AKAIN1: variants seen among roughly 807,000 people sequenced by gnomAD.
AKAIN1 encodes the protein A-kinase anchor inhibitor 1.
In AKAIN1, 3 loss-of-function variants were observed where a neutral mutation model predicts 3.7. The observed-to-expected ratio is 0.82, with a 90% CI of 0.37 to 2.12. The LOEUF (loss-of-function observed/expected upper bound fraction) is 2.12. Among genes scored for constraint, AKAIN1 ranks in the 30% most tolerant of loss-of-function variants. The pLI is 0.06. For synonymous variants in AKAIN1, 31 were observed against 30.8 expected (o/e 1.01, Z -0.02); for missense variants, 82 against 82.7 (o/e 0.99, Z 0.03).
chr18:5,161,531 T>C (rs959376705), intron 1 of AKAIN1, among the ~76,000 whole-genome samples: 1 of 152,090 alleles, frequency 6.6e-6, no homozygotes, highest in Non-Finnish European at 1.5e-5. Flanking sequence ...ATTTACTTAC[T>C]TATTCACCTT....
At chr18:5,155,254 G>C (rs1413857344) in intron 1 of AKAIN1, among the ~76,000 whole-genome samples, 1 of 152,150 alleles carries the variant, frequency 6.6e-6, no homozygotes, top group Non-Finnish European at 1.5e-5. Flanking sequence ...GCTGTGCAGT[G>C]AGGGTTTTGC....
chr18:5,195,577 A>G (rs1567881864), intron 1 of AKAIN1, among the ~76,000 whole-genome samples: 1 of 152,186 alleles, frequency 6.6e-6, no homozygotes, highest in Non-Finnish European at 1.5e-5. Context: ...ACAGAATTCG[A>G]GGTCAGAAAA....
chr18:5,183,113 G>C (rs1217591022), intron 1 of AKAIN1, among the ~76,000 whole-genome samples: 2 of 152,004 alleles, frequency 1.3e-5, no homozygotes, highest in Non-Finnish European at 2.9e-5. Flanking sequence ...CAGGCATTTA[G>C]AGCCTCACTT....
At chr18:5,169,608 G>A (rs1251071495) in intron 1 of AKAIN1, among the ~76,000 whole-genome samples, 11 of 152,042 alleles carry the variant, frequency 7.2e-5, no homozygotes, top group South Asian at 4.2e-4. Flanking sequence ...TACCATTACC[G>A]CGGATAATGT....
intron 1 of AKAIN1, among the ~76,000 whole-genome samples, chr18:5,180,001 T>G (rs1049896064): frequency 6.6e-6 from 1 of 152,068 alleles, no homozygotes; most frequent in African/African-American, 2.4e-5. Flanking sequence ...GGATTATCAG[T>G]TGAAAAGGGT....
At chr18:5,180,274 A>G (rs575354974) in intron 1 of AKAIN1, among the ~76,000 whole-genome samples, 2 of 152,180 alleles carry the variant, frequency 1.3e-5, no homozygotes, top group Non-Finnish European at 2.9e-5. Flanking sequence ...CAAATTATAT[A>G]AAGTGTTTAT....
At chr18:5,146,835 C>CA (rs1317221900) in intron 1 of AKAIN1, among the ~76,000 whole-genome samples, 3 of 152,062 alleles carry the variant, frequency 2.0e-5, no homozygotes, top group Non-Finnish European at 2.9e-5. Flanking sequence ...ACTTTATTTA[C>CA]AAAAAAACAG....
intron 1 of AKAIN1, among the ~76,000 whole-genome samples, chr18:5,193,886 C>T (rs1365185583): frequency 6.6e-6 from 1 of 152,166 alleles, no homozygotes; most frequent in African/African-American, 2.4e-5. Context: ...AAATATATTT[C>T]TCCATATTGG....
In AKAIN1 at chr18:5,197,245, C is replaced by T; in HGVS notation, c.-192G>A. 1 of 1,381,810 alleles carries T rather than the reference C, an allele frequency of 7.2e-7. No individual in the cohort carries two copies. The highest frequency in any genetic ancestry group is 9.3e-7 in the Non-Finnish European group (1 of 1,078,556). The allele number at this position is 1,381,810 out of a possible 1,614,324, so 85.6% of individuals were successfully genotyped here. On this transcript the variant is annotated 5_prime_UTR_variant, in exon 1 of 2. Transcript: ENST00000434239. This position sits in a 1 kb window ranked among gnomAD's most constrained non-coding sequence, Gnocchi z 6.9. ...GCAGCTCCAGCCGCCGCCGCGCGCTCTGCCTCCACAATGCGGCCACAGCGG... is the reference window on the plus strand; with the variant it reads ...GCAGCTCCAGCCGCCGCCGCGCGCTTTGCCTCCACAATGCGGCCACAGCGG...
chr18:5,187,689 TAAATTTA>T (rs1943224731), intron 1 of AKAIN1, among the ~76,000 whole-genome samples: 1 of 152,142 alleles, frequency 6.6e-6, no homozygotes, highest in South Asian at 2.1e-4. Flanking sequence ...CAATGGCAGT[TAAATTTA>T]AACATGAGTT....
chr18:5,152,827 G>C (rs2071086940), intron 1 of AKAIN1, among the ~76,000 whole-genome samples: 1 of 152,170 alleles, frequency 6.6e-6, no homozygotes, highest in Non-Finnish European at 1.5e-5. Context: ...TGAGTGGCTA[G>C]TGCCCACCAG....
At chr18:5,195,051 A>G (rs1475726667) in intron 1 of AKAIN1, among the ~76,000 whole-genome samples, 1 of 152,184 alleles carries the variant, frequency 6.6e-6, no homozygotes, top group African/African-American at 2.4e-5. Context: ...TGATCCATAG[A>G]TGAGAAGGTA....
chr18:5,189,343 G>A (rs2071305586), intron 1 of AKAIN1, among the ~76,000 whole-genome samples: 2 of 152,056 alleles, frequency 1.3e-5, no homozygotes, highest in Admixed American at 6.6e-5. Flanking sequence ...ATGATGACTT[G>A]GCCACAGCAT....
In AKAIN1 at chr18:5,197,093, A is replaced by G. The variant is rs2071352853; in HGVS notation, c.-40T>C. On this transcript the variant is annotated 5_prime_UTR_variant, in exon 1 of 2. Transcript: ENST00000434239. This position sits in a 1 kb window ranked among gnomAD's most constrained non-coding sequence, Gnocchi z 6.9. ...GCTACGCCCCCAGATTAAGAGAGAA[A>G]GACAGGCAGACGGAGGATGGGAAGA... 2 of 1,551,128 alleles carry G rather than the reference A, an allele frequency of 1.3e-6. No homozygotes were observed. The highest frequency in any genetic ancestry group is 8.7e-7 in the Non-Finnish European group (1 of 1,146,868).
At chr18:5,167,839 T>TTGC (rs2071175411) in intron 1 of AKAIN1, among the ~76,000 whole-genome samples, 2 of 152,128 alleles carry the variant, frequency 1.3e-5, no homozygotes, top group African/African-American at 4.8e-5. Flanking sequence ...AGTGCTGCCT[T>TTGC]TGCTGCTGCT....
At chr18:5,176,056 A>C (rs1448095751) in intron 1 of AKAIN1, among the ~76,000 whole-genome samples, 1 of 152,126 alleles carries the variant, frequency 6.6e-6, no homozygotes, top group African/African-American at 2.4e-5. Context: ...GACATTGCCA[A>C]ATGTCCCCTG....
intron 1 of AKAIN1, among the ~76,000 whole-genome samples, chr18:5,181,269 G>A (rs1044098272): frequency 2.0e-5 from 3 of 152,108 alleles, no homozygotes; most frequent in Non-Finnish European, 2.9e-5. Context: ...TCCTGCCTGG[G>A]TGACAGAGTA....
chr18:5,184,598 C>G (rs1049929089), intron 1 of AKAIN1, among the ~76,000 whole-genome samples: 2 of 151,718 alleles, frequency 1.3e-5, no homozygotes, highest in Non-Finnish European at 2.9e-5. Flanking sequence ...ACAATAGACA[C>G]AAAAAAGAAT....
chr18:5,161,236 T>A (rs1446564858), intron 1 of AKAIN1, among the ~76,000 whole-genome samples: 2 of 152,106 alleles, frequency 1.3e-5, no homozygotes, highest in Non-Finnish European at 2.9e-5. Context: ...TTAAAAAAAA[T>A]TATGTTTACA....
Sources: gnomAD v4.1 joint callset for allele counts (sites outside exome capture counted in the v4.1 genomes callset) on GRCh38, gnomAD v4.1.1 for gene constraint, Gnocchi (gnomAD v3.1) non-coding constraint, MANE v1.5 for transcripts, NCBI Gene and HGNC (gene_info 2026-07-23, HGNC 2026-07-21) for gene names.